The following DENND5B variants were observed in gnomAD, a reference collection of about 807,000 sequenced individuals.
DENND5B encodes the protein DENN domain containing 5B.
Under a neutral mutation model 140.6 loss-of-function variants are expected in DENND5B, and 34 were observed. That is an observed-to-expected ratio of 0.24 (90% confidence interval 0.18 to 0.32). DENND5B has a LOEUF of 0.32. Ranked by LOEUF, DENND5B falls within the 10% of genes least tolerant of loss-of-function variation. The pLI is 1.00. For synonymous variants in DENND5B, 551 were observed against 562.1 expected, an observed-to-expected ratio of 0.98 and a Z score of 0.28; for missense variants, 1,142 against 1,560.2, an observed-to-expected ratio of 0.73 and a Z score of 4.52.
In DENND5B at chr12:31,590,787, G is replaced by A. The variant is rs1950593922; in HGVS notation, c.46C>T (p.Pro16Ser). ...AAPGPGSGSS[P>S]AACRFAHYFV... Reference sequence around the variant, plus strand: ...TAGTGCGCGAAGCGGCAGGCGGCCGGGGAGGAGCCCGAGCCCGGGCCGGGC... The same window carrying A: ...TAGTGCGCGAAGCGGCAGGCGGCCGAGGAGGAGCCCGAGCCCGGGCCGGGC... Residue 16 changes from proline (P) to serine (S), a missense_variant, in exon 1 of 21, where the codon CCG (proline) becomes TCG (serine). Coordinates refer to ENST00000389082, the MANE Select transcript of DENND5B (RefSeq NM_144973.4). 7.3e-7 allele frequency: 1 copy of A among 1,367,800 alleles called. No homozygotes were observed. The highest frequency in any genetic ancestry group is 9.4e-7 in the Non-Finnish European group (1 of 1,059,056). 84.7% of individuals were successfully genotyped at this position (1,367,800 alleles called of 1,614,324 possible).
At chr12:31,465,312 GTGGACTTCCTGATGTAGC>G (rs1487006988) in intron 3 of DENND5B, 3 of 152,352 alleles carry the variant, frequency 2.0e-5, no homozygotes, top group African/African-American at 7.2e-5. Context: ...CATGCCTCTG[GTGGACTTCCTGATGTAGC>G]TGGAGGATTA....
chr12:31,483,865 CTTT>C (rs200066618), intron 2 of DENND5B, among the ~76,000 whole-genome samples: 5 of 129,406 alleles, frequency 3.9e-5, no homozygotes, highest in African/African-American at 8.4e-5. Flanking sequence ...CTTTTCTTTT[CTTT>C]TTTTTTTTTT....
chr12:31,544,965 C>T (rs1190462426), intron 1 of DENND5B, among the ~76,000 whole-genome samples: 1 of 150,886 alleles, frequency 6.6e-6, no homozygotes, highest in Non-Finnish European at 1.5e-5. Context: ...GGACATTCTA[C>T]AGGGAAAATA....
At position 31,435,208 on chromosome 12, in the gene DENND5B, T is replaced by C. The variant is rs538952659; in HGVS notation, c.2013-1960A>G. On this transcript the variant is annotated intron_variant, in intron 7 of 20. Coordinates refer to ENST00000389082, the MANE Select transcript of DENND5B (RefSeq NM_144973.4). ...ACCCATGAATCACTTCACCTGCCTT[T>C]TATCAACTCTTCCCCATTCTCCTCA... Among the ~76,000 whole-genome samples, 3 of 152,212 alleles carry C rather than the reference T, an allele frequency of 2.0e-5. No individual in the cohort carries two copies. The South Asian group carries it at 6.2e-4, about 32-fold the overall frequency.
chr12:31,480,351 A>G (rs1261352039), intron 2 of DENND5B, 96 bp from the exon 3 acceptor site: 1 of 1,228,264 alleles, frequency 8.1e-7, no homozygotes, highest in East Asian at 2.6e-5. Flanking sequence ...GGATTCAAAA[A>G]GACAGGTTTT....
chr12:31,519,897 G>C (rs1029907167), intron 1 of DENND5B, among the ~76,000 whole-genome samples: 3 of 152,060 alleles, frequency 2.0e-5, no homozygotes, highest in African/African-American at 7.2e-5. Flanking sequence ...TCTAATTTTA[G>C]AACATTTTCA....
chr12:31,402,035 C>G (rs1941820403), intron 15 of DENND5B, among the ~76,000 whole-genome samples: 1 of 145,480 alleles, frequency 6.9e-6, no homozygotes, highest in South Asian at 2.1e-4. Flanking sequence ...GATCACACCA[C>G]TGCACAGCCT....
At chr12:31,409,238 T>C (rs749959201) in intron 14 of DENND5B, 25 bp downstream of exon 14, 2 of 1,553,856 alleles carry the variant, frequency 1.3e-6, no homozygotes, top group Non-Finnish European at 1.7e-6. Context: ...TCAGTAACCC[T>C]TAACGGTCAA....
chr12:31,496,145 C>T (rs1259921611), intron 1 of DENND5B, among the ~76,000 whole-genome samples: 2 of 152,192 alleles, frequency 1.3e-5, no homozygotes, highest in Admixed American at 6.5e-5. Flanking sequence ...GGCTACTCAA[C>T]TGATACTAAA....
intron 1 of DENND5B, among the ~76,000 whole-genome samples, chr12:31,549,266 C>T (rs78371003): frequency 6.6e-6 from 1 of 152,020 alleles, no homozygotes; most frequent in East Asian, 1.9e-4. Flanking sequence ...GTAGCATCTG[C>T]CCCTATCAGC....
At chr12:31,483,104 T>TCATGTGGATA (rs1320169252) in intron 2 of DENND5B, among the ~76,000 whole-genome samples, 5 of 152,236 alleles carry the variant, frequency 3.3e-5, no homozygotes, top group Non-Finnish European at 5.9e-5. Context: ...CCCCTTGGTA[T>TCATGTGGATA]CCACATGACT....
At chr12:31,544,591 T>C (rs1948792463) in intron 1 of DENND5B, among the ~76,000 whole-genome samples, 1 of 152,092 alleles carries the variant, frequency 6.6e-6, no homozygotes, top group South Asian at 2.1e-4. Flanking sequence ...AGCCAATAAC[T>C]ATCAAATCTA....
rs1945989122 is a variant in DENND5B at position 31,479,878 on chromosome 12, C to T, written c.615G>A (p.Lys205=). The T allele has an allele frequency of 1.9e-6, 3 of 1,613,944 alleles. No homozygotes were observed. The highest frequency in any genetic ancestry group is 2.5e-6 in the Non-Finnish European group (3 of 1,179,840). The part of the protein sequence containing the change: ...ITPLPFMQAC[K]KFLIQLYKAV... ...CCTTGTAAAGCTGGATAAGGAATTT[C>T]TTGCAGGCCTGCATGAATGGTAACG... The change falls in exon 3 of 21, where the codon AAG becomes AAA. Residue 205 remains lysine, a synonymous_variant. Transcript: ENST00000389082.
At chr12:31,548,517 A>C (rs1948937909) in intron 1 of DENND5B, among the ~76,000 whole-genome samples, 1 of 152,224 alleles carries the variant, frequency 6.6e-6, no homozygotes, top group Non-Finnish European at 1.5e-5. Flanking sequence ...ACTTGACTAC[A>C]TCACAAGACC....
intron 5 of DENND5B, among the ~76,000 whole-genome samples, chr12:31,451,176 C>T (rs570470740): frequency 2.5e-4 from 38 of 152,156 alleles, no homozygotes; most frequent in African/African-American, 9.2e-4. Flanking sequence ...GATTTCTAGA[C>T]TAAATAAATA....
At chr12:31,413,378 CTTG>C in intron 13 of DENND5B, 55 bp downstream of exon 13, 1 of 1,569,798 alleles carries the variant, frequency 6.4e-7, no homozygotes, top group South Asian at 1.2e-5. Context: ...GTTTATGCAA[CTTG>C]TTTTGTATGC....
chr12:31,579,502 A>G (rs1467509853), intron 1 of DENND5B, among the ~76,000 whole-genome samples: 1 of 152,012 alleles, frequency 6.6e-6, no homozygotes, highest in East Asian at 1.9e-4. Context: ...CTCTACTAAA[A>G]ATACAAAAAT....
intron 3 of DENND5B, among the ~76,000 whole-genome samples, chr12:31,471,131 T>C (rs1945537122): frequency 6.6e-6 from 1 of 152,176 alleles, no homozygotes; most frequent in Non-Finnish European, 1.5e-5. Context: ...CTCAGATTTC[T>C]GCTGGTCAGG....
intron 8 of DENND5B, among the ~76,000 whole-genome samples, chr12:31,427,733 TAGC>T (rs1183530451): frequency 6.6e-6 from 1 of 152,110 alleles, no homozygotes; most frequent in Admixed American, 6.6e-5. Flanking sequence ...ATAGTAAAAG[TAGC>T]AGTTTATTGG....
Sources: allele counts gnomAD v4.1 joint callset (sites outside exome capture counted in the v4.1 genomes callset), GRCh38; gene constraint gnomAD v4.1.1; transcripts MANE v1.5; gene names NCBI Gene and HGNC (gene_info 2026-07-23, HGNC 2026-07-21).